The following ARHGAP23 variants were observed in gnomAD, a reference collection of about 807,000 sequenced individuals.
ARHGAP23 encodes the protein rho GTPase-activating protein 23.
ARHGAP23 carries 34 observed loss-of-function variants against 136.3 expected under a neutral mutation model. The observed-to-expected ratio is 0.25, with a 90% CI of 0.19 to 0.33. The LOEUF (loss-of-function observed/expected upper bound fraction) is 0.33. Ranked by LOEUF, ARHGAP23 falls within the 10% of genes least tolerant of loss-of-function variation. The probability of loss-of-function intolerance (pLI) is 1.00; values close to 1 mark genes in which losing one functional copy is unlikely to be tolerated. For synonymous variants in ARHGAP23, 832 were observed against 920.5 expected, an observed-to-expected ratio of 0.90 and a Z score of 1.74; for missense variants, 1,808 against 2,139.0, an observed-to-expected ratio of 0.85 and a Z score of 3.05.
chr17:38,463,069 G>A (rs752943213), intron 4 of ARHGAP23, 49 bp from the exon 5 acceptor site: 14 of 1,545,174 alleles, frequency 9.1e-6, no homozygotes, highest in Non-Finnish European at 1.2e-5. Flanking sequence ...GTTCTCAGAT[G>A]GGGCCTTTGA....
intron 1 of ARHGAP23, among the ~76,000 whole-genome samples, chr17:38,453,407 G>A (rs970134687): frequency 6.2e-5 from 9 of 144,890 alleles, no homozygotes; most frequent in African/African-American, 2.4e-4. Context: ...GGGCTGATGC[G>A]CGCGCGTATG....
rs1008406333 is a variant in ARHGAP23, at chr17:38,437,981, G to A, written c.63+9433G>A. Among the ~76,000 whole-genome samples the A allele has an allele frequency of 2.0e-5, 3 of 149,396 alleles. No individual in the cohort carries two copies. In the Admixed American group the frequency reaches 2.0e-4, roughly 10 times the overall value. On this transcript the variant is annotated intron_variant, in intron 1 of 23. Transcript: ENST00000622683. ...CCTCCAAAGATGGTCCAGCTCTCAG[G>A]GGAAGAAGGCTTCACTGTGGGGAGA... is the stretch of plus-strand genomic sequence containing the variant.
chr17:38,445,482 C>G (rs971740713), intron 1 of ARHGAP23, among the ~76,000 whole-genome samples: 76 of 151,672 alleles, frequency 5.0e-4, no homozygotes, highest in Non-Finnish European at 9.1e-4. Context: ...GAAACTCCAT[C>G]TGAAAAAATA....
chr17:38,480,226 C>T (rs2040002533), intron 14 of ARHGAP23, among the ~76,000 whole-genome samples: 1 of 152,180 alleles, frequency 6.6e-6, no homozygotes. Flanking sequence ...CCTGGCTGGG[C>T]AAGGTGGCTC....
At chr17:38,488,760 G>GCT (rs2040209746) in intron 17 of ARHGAP23, among the ~76,000 whole-genome samples, 2 of 152,166 alleles carry the variant, frequency 1.3e-5, no homozygotes, top group Admixed American at 6.5e-5. Context: ...CGTTGGCCAG[G>GCT]CTGGTCTTGA....
At chr17:38,436,465 C>T (rs2038800718) in intron 1 of ARHGAP23, among the ~76,000 whole-genome samples, 2 of 152,334 alleles carry the variant, frequency 1.3e-5, no homozygotes, top group South Asian at 4.1e-4. Flanking sequence ...GGAGAAGGCC[C>T]TGATCCCAGC....
chr17:38,504,360 C>T (rs530630848), intron 23 of ARHGAP23, among the ~76,000 whole-genome samples: 14 of 152,304 alleles, frequency 9.2e-5, no homozygotes, highest in South Asian at 4.1e-4. Flanking sequence ...GACCAGGAAT[C>T]GGAGTCAGGG....
At chr17:38,484,762 G>T (rs909064244) in intron 16 of ARHGAP23, among the ~76,000 whole-genome samples, 1 of 152,040 alleles carries the variant, frequency 6.6e-6, no homozygotes, top group African/African-American at 2.4e-5. Flanking sequence ...GGCATACGAG[G>T]TATATTGGGT....
upstream of ARHGAP23, among the ~76,000 whole-genome samples, chr17:38,424,972 C>G (rs1422958310): frequency 6.6e-6 from 1 of 152,242 alleles, no homozygotes; most frequent in African/African-American, 2.4e-5. Context: ...TTCCTTCCTC[C>G]TGCTCACCAA....
At chr17:38,503,097 TG>T (rs2040556923) in intron 23 of ARHGAP23, among the ~76,000 whole-genome samples, 1 of 152,114 alleles carries the variant, frequency 6.6e-6, no homozygotes, top group African/African-American at 2.4e-5. Flanking sequence ...CATATTTACT[TG>T]CCAATGGGAA....
chr17:38,464,427 C>T (rs548579645), intron 6 of ARHGAP23, among the ~76,000 whole-genome samples: 1 of 152,262 alleles, frequency 6.6e-6, no homozygotes, highest in African/African-American at 2.4e-5. Context: ...CCTGAGGTCA[C>T]TGTCCCTGGG....
chr17:38,426,101 A>G (rs2038566924), upstream of ARHGAP23, among the ~76,000 whole-genome samples: 1 of 152,090 alleles, frequency 6.6e-6, no homozygotes, highest in Non-Finnish European at 1.5e-5. Flanking sequence ...GTCTGATTTC[A>G]GATGCCAACC....
intron 23 of ARHGAP23, among the ~76,000 whole-genome samples, chr17:38,508,523 C>T (rs980168685): frequency 1.3e-5 from 2 of 152,130 alleles, no homozygotes; most frequent in Admixed American, 1.3e-4. Flanking sequence ...ATGCAAGCTT[C>T]TGAGCAAAGC....
Position 38,479,841 on chromosome 17 carries a change from G to A in ARHGAP23, c.2587G>A (p.Ala863Thr). 2 of 1,544,758 alleles carry A rather than the reference G, an allele frequency of 1.3e-6. No homozygotes were observed. The highest frequency in any genetic ancestry group is 2.3e-4 in the Middle Eastern group (1 of 4,332). ...GTCTGAGTTCCTCAAGCAGAGTGCG[G>A]CACGTGGCCTCAGGACTCAGGACCT... The part of the protein sequence containing the change: ...LKSEFLKQSA[A>T]RGLRTQDLPA... The change falls in exon 14 of 24, where the codon GCA becomes ACA. Residue 863 changes from alanine (A) to threonine (T), a missense_variant. Physicochemically the swap from Ala to Thr is moderately conservative, Grantham distance 58. Transcript: ENST00000622683.
chr17:38,432,011 G>C (rs1597736633), intron 1 of ARHGAP23, among the ~76,000 whole-genome samples: 1 of 152,198 alleles, frequency 6.6e-6, no homozygotes, highest in Non-Finnish European at 1.5e-5. Context: ...GCCTGGCACA[G>C]AGCAGTTCTC....
In ARHGAP23 at chr17:38,511,741, T is replaced by TG. The variant is rs1364149974; in HGVS notation, c.*771dup. The stretch of plus-strand genomic sequence containing the variant: ...AGCTGCCTGTTCCCCAGACAGTTTT[T>TG]GGTGGGGGGGGTCCAGGGTCCCCCT... On this transcript the variant is annotated 3_prime_UTR_variant, in exon 24 of 24. Transcript: ENST00000622683. 24 of 151,816 alleles carry TG rather than the reference T, an allele frequency of 1.6e-4. No homozygotes were observed. The highest frequency in any genetic ancestry group is 5.3e-4 in the African/African-American group (22 of 41,138). 9.4% of individuals were successfully genotyped at this position (151,816 alleles called of 1,614,324 possible). A position where few individuals can be genotyped will look rare whatever the true frequency, so the allele number is the denominator to read the frequency against.
intron 23 of ARHGAP23, among the ~76,000 whole-genome samples, chr17:38,507,276 A>AAATAATAATAATAATAAT (rs56830471): frequency 0.11 from 14,906 of 136,410 alleles, 1,155 homozygotes; most frequent in African/African-American, 0.19. Flanking sequence ...CTCCGTCTCA[A>AAATAATAATAATAATAAT]AATAATAATA....
chr17:38,479,321 G>A (rs990683988), intron 12 of ARHGAP23, 115 bp from the exon 13 acceptor site: 2 of 779,776 alleles, frequency 2.6e-6, no homozygotes. Flanking sequence ...CTCACTCCAG[G>A]GTCTGGGCTG....
chr17:38,458,146 C>G lies in ARHGAP23; in HGVS notation c.108C>G (p.Phe36Leu). The G allele has an allele frequency of 6.5e-7, 1 of 1,536,154 alleles. No homozygotes were observed. Among genetic ancestry groups the G allele is most frequent in the Non-Finnish European group, 8.7e-7 (1 of 1,146,910 alleles). Residue 36 changes from phenylalanine (F) to leucine (L), a missense_variant, in exon 2 of 24, where the codon TTC becomes TTG. Phe to Leu is a conservative substitution (Grantham distance 22). Around this residue, in one of 7 missense-constraint regions of ARHGAP23, gnomAD observed 859 missense variants for 936.4 expected, o/e 0.92. Transcript: ENST00000622683. Reference protein sequence around the residue: ...PRDGCSPRRPFPWQGPRTLLL... With the variant: ...PRDGCSPRRPLPWQGPRTLLL... ...ATGGGTGCTCTCCTAGGCGCCCCTT[C>G]CCCTGGCAGGGGCCGAGGACGCTGC...
Sources: gnomAD v4.1 joint callset for allele counts (sites outside exome capture counted in the v4.1 genomes callset) on GRCh38, gnomAD v4.1.1 for gene constraint, gnomAD v4.1.1 regional missense constraint, MANE v1.5 for transcripts, NCBI Gene and HGNC (gene_info 2026-07-23, HGNC 2026-07-21) for gene names.